PTPRT: variants seen among roughly 807,000 people sequenced by gnomAD.
The protein encoded by PTPRT is protein tyrosine phosphatase receptor type T.
Under a neutral mutation model 176.8 loss-of-function variants are expected in PTPRT, and 56 were observed. The observed-to-expected ratio is 0.32, with a 90% CI of 0.26 to 0.40. The LOEUF (loss-of-function observed/expected upper bound fraction) is 0.40, where lower values mean the gene tolerates loss of function less well. Ranked by LOEUF, PTPRT falls within the 10% of genes least tolerant of loss-of-function variation. The probability of loss-of-function intolerance (pLI) is 1.00; values close to 1 mark genes in which losing one functional copy is unlikely to be tolerated. For synonymous variants in PTPRT, 783 were observed against 739.0 expected (o/e 1.06, Z -0.96); for missense variants, 1,540 against 1,908.2 (o/e 0.81, Z 3.60).
At chr20:42,832,601 C>T (rs1355641056) in intron 2 of PTPRT, among the ~76,000 whole-genome samples, 1 of 148,750 alleles carries the variant, frequency 6.7e-6, no homozygotes, top group Non-Finnish European at 1.5e-5. Context: ...TTCCAAGAAC[C>T]AAGATAACTA....
At chr20:42,349,716 T>C (rs1009016925) in intron 11 of PTPRT, among the ~76,000 whole-genome samples, 1 of 152,226 alleles carries the variant, frequency 6.6e-6, no homozygotes. Context: ...AATTTGAAAG[T>C]TGTTCCACTC....
intron 1 of PTPRT, among the ~76,000 whole-genome samples, chr20:43,083,012 C>A (rs373863002): frequency 1.2e-3 from 181 of 151,994 alleles, no homozygotes; most frequent in South Asian, 6.9e-3. Flanking sequence ...GCTATATAAA[C>A]CCCTAATTTT....
Position 42,935,286 on chromosome 20 carries a change from C to T in PTPRT, c.89-49354G>A, listed in dbSNP as rs558768339. On this transcript the variant is annotated intron_variant, in intron 1 of 30. Transcript: ENST00000373187. ...TCCTGAGAAGCTGGGACTACAGGCA[C>T]GCACCAGCACACCCGGCTAATTTCT... Among the ~76,000 whole-genome samples the T allele has an allele frequency of 1.3e-4, 20 of 150,948 alleles. No homozygotes were observed. The East Asian group carries it at 2.8e-3, about 21-fold the overall frequency.
chr20:43,039,216 C>T (rs1455901329), intron 1 of PTPRT, among the ~76,000 whole-genome samples: 1 of 152,166 alleles, frequency 6.6e-6, no homozygotes, highest in Non-Finnish European at 1.5e-5. Context: ...GATAGCATCA[C>T]TGTATGGATA....
At chr20:42,307,425 A>G (rs2057559532) in intron 12 of PTPRT, among the ~76,000 whole-genome samples, 1 of 152,162 alleles carries the variant, frequency 6.6e-6, no homozygotes, top group Admixed American at 6.5e-5. Flanking sequence ...CTACAGAATA[A>G]TTTAGCTTAT....
intron 1 of PTPRT, among the ~76,000 whole-genome samples, chr20:43,167,431 CA>C (rs11402008): frequency 1.7e-3 from 258 of 149,452 alleles, no homozygotes; most frequent in African/African-American, 6.1e-3. Context: ...CTGAATAATG[CA>C]AAAAAAAAGA....
intron 1 of PTPRT, among the ~76,000 whole-genome samples, chr20:43,105,055 T>C (rs1381860752): frequency 6.6e-6 from 1 of 152,086 alleles, no homozygotes; most frequent in Non-Finnish European, 1.5e-5. Flanking sequence ...TGAGGCAAAC[T>C]TAGCCCAGGC....
chr20:42,359,769 T>C (rs2058406887), intron 9 of PTPRT, among the ~76,000 whole-genome samples: 3 of 152,234 alleles, frequency 2.0e-5, no homozygotes, highest in Admixed American at 2.0e-4. Context: ...GCCTGCAGGC[T>C]TGGTTGGCTG....
intron 1 of PTPRT, among the ~76,000 whole-genome samples, chr20:43,070,455 C>T (rs1431250395): frequency 6.6e-6 from 1 of 152,142 alleles, no homozygotes; most frequent in African/African-American, 2.4e-5. Context: ...TACCATTTGA[C>T]CCAGCCATCC....
rs537015288 is a variant in PTPRT at position 42,936,638 on chromosome 20, G to A, written c.89-50706C>T. 3.3e-5 allele frequency among the ~76,000 whole-genome samples: 5 copies of A among 152,272 alleles called. No individual in the cohort carries two copies. In the East Asian group the frequency reaches 9.6e-4, roughly 29 times the overall value. On this transcript the variant is annotated intron_variant, in intron 1 of 30. Coordinates refer to ENST00000373187, the MANE Select transcript of PTPRT (RefSeq NM_007050.6). Reference sequence around the variant, plus strand: ...GGGCAAAATGCAGGAATTCACTGAGGAGGCTGCAGGTCTACTCTAGATGAG... The same window carrying A: ...GGGCAAAATGCAGGAATTCACTGAGAAGGCTGCAGGTCTACTCTAGATGAG...
At chr20:42,696,480 G>C (rs1417910816) in intron 6 of PTPRT, among the ~76,000 whole-genome samples, 1 of 109,426 alleles carries the variant, frequency 9.1e-6, no homozygotes, top group Non-Finnish European at 1.9e-5. Flanking sequence ...TTTTGAGACA[G>C]AGCCTCGCTC....
At chr20:42,203,313 C>T (rs1406219498) in intron 15 of PTPRT, among the ~76,000 whole-genome samples, 2 of 152,188 alleles carry the variant, frequency 1.3e-5, no homozygotes, top group Admixed American at 1.3e-4. Context: ...ATTTAATTTA[C>T]TACCTCATTA....
chr20:42,599,792 TC>T (rs1257389302), intron 7 of PTPRT, among the ~76,000 whole-genome samples: 2 of 152,126 alleles, frequency 1.3e-5, no homozygotes, highest in Non-Finnish European at 2.9e-5. Context: ...AATCAGGGGA[TC>T]TTAATCAAAT....
intron 7 of PTPRT, among the ~76,000 whole-genome samples, chr20:42,484,659 T>G (rs995300864): frequency 2.6e-5 from 4 of 152,188 alleles, no homozygotes; most frequent in African/African-American, 9.6e-5. Flanking sequence ...CTACCGGTGC[T>G]CTTGTGAGTT....
chr20:42,766,024 T>C (rs2076978054), intron 5 of PTPRT, among the ~76,000 whole-genome samples: 3 of 152,230 alleles, frequency 2.0e-5, no homozygotes, highest in Admixed American at 1.3e-4. Flanking sequence ...GCTTTGGATA[T>C]CAACTGCCTA....
intron 19 of PTPRT, among the ~76,000 whole-genome samples, chr20:42,122,528 G>C (rs978910029): frequency 1.3e-5 from 2 of 152,160 alleles, no homozygotes; most frequent in Non-Finnish European, 2.9e-5. Flanking sequence ...GGGTTGTCTT[G>C]AGTAGCTTTG....
chr20:42,903,639 C>A (rs986643219), intron 1 of PTPRT, among the ~76,000 whole-genome samples: 7 of 152,202 alleles, frequency 4.6e-5, no homozygotes, highest in Non-Finnish European at 7.3e-5. Flanking sequence ...TCTGTAGTTG[C>A]CAGTTGGACT....
At chr20:42,899,614 A>G (rs760098371) in intron 1 of PTPRT, among the ~76,000 whole-genome samples, 2 of 152,068 alleles carry the variant, frequency 1.3e-5, no homozygotes, top group African/African-American at 2.4e-5. Context: ...TCATTTACTT[A>G]TTTTCTGTCT....
At chr20:42,987,956 C>T (rs1276506597) in intron 1 of PTPRT, among the ~76,000 whole-genome samples, 1 of 152,128 alleles carries the variant, frequency 6.6e-6, no homozygotes, top group African/African-American at 2.4e-5. Flanking sequence ...GCCATTGCTT[C>T]CCTCTGAGCA....
Sources: gnomAD v4.1 joint callset for allele counts (sites outside exome capture counted in the v4.1 genomes callset) on GRCh38, gnomAD v4.1.1 for gene constraint, MANE v1.5 for transcripts, NCBI Gene and HGNC (gene_info 2026-07-23, HGNC 2026-07-21) for gene names.